BCKDHB: variants seen among roughly 807,000 people sequenced by gnomAD.
The protein encoded by BCKDHB is 2-oxoisovalerate dehydrogenase subunit beta, mitochondrial.
BCKDHB carries 41 observed loss-of-function variants against 48.5 expected under a neutral mutation model. The ratio of observed to expected loss-of-function variants is 0.85; its 90% CI spans 0.66 to 1.10. The LOEUF (loss-of-function observed/expected upper bound fraction) is 1.10, where lower values mean the gene tolerates loss of function less well. Ranked by LOEUF, BCKDHB falls within the 50% of genes least tolerant of loss-of-function variation. The pLI is 0.00. For synonymous variants in BCKDHB, 201 were observed against 174.8 expected (o/e 1.15, Z -1.18); for missense variants, 496 against 494.2 (o/e 1.00, Z -0.03).
At chr6:80,143,845 T>C (rs980220840) in intron 3 of BCKDHB, among the ~76,000 whole-genome samples, 1 of 152,148 alleles carries the variant, frequency 6.6e-6, no homozygotes, top group Non-Finnish European at 1.5e-5. Flanking sequence ...GTCAGAGGAT[T>C]CTTATTCTGT....
At chr6:80,349,693 C>T (rs77683969), downstream of BCKDHB, among the ~76,000 whole-genome samples, 214 of 151,932 alleles carry the variant, frequency 1.4e-3, 2 homozygotes, top group East Asian at 0.033. Flanking sequence ...AATATGCATT[C>T]GAAATTGACA....
At chr6:80,385,014 A>T in the BCKDHB span, among the ~76,000 whole-genome samples, 1 of 152,186 alleles carries the variant, frequency 6.6e-6, no homozygotes, top group African/African-American at 2.4e-5. Flanking sequence ...AGAGTTACGT[A>T]AAATAAATGC....
At chr6:80,419,201 G>A in the BCKDHB span, among the ~76,000 whole-genome samples, 4 of 152,188 alleles carry the variant, frequency 2.6e-5, no homozygotes, top group Non-Finnish European at 4.4e-5. Context: ...CCAGCAAAGT[G>A]ATGTGGGGAG....
the BCKDHB span, among the ~76,000 whole-genome samples, chr6:80,362,134 A>G: frequency 6.6e-6 from 1 of 152,132 alleles, no homozygotes; most frequent in Non-Finnish European, 1.5e-5. Context: ...ATGGACTAGA[A>G]CTGAAAGCCT....
intron 9 of BCKDHB, among the ~76,000 whole-genome samples, chr6:80,332,384 T>G (rs1443215919): frequency 6.6e-6 from 1 of 152,120 alleles, no homozygotes; most frequent in Non-Finnish European, 1.5e-5. Context: ...TGAATTTAAT[T>G]TTATACTCGA....
Position 80,144,293 on chromosome 6 carries a change from G to T in BCKDHB, c.343+15064G>T, listed in dbSNP as rs139943416. Among the ~76,000 whole-genome samples the T allele has an allele frequency of 1.7e-3, 264 of 152,248 alleles. 1 individual carries two copies. Among genetic ancestry groups the T allele is most frequent in the African/African-American group, 6.0e-3 (250 of 41,560 alleles). On this transcript the variant is annotated intron_variant, in intron 3 of 9. Coordinates refer to ENST00000320393, the MANE Select transcript of BCKDHB (RefSeq NM_183050.4). ...TCATAAGTCCAGTAAGGCAACTTAG[G>T]TATTTGCATGAAGAAGGCACTTTTT...
the BCKDHB span, among the ~76,000 whole-genome samples, chr6:80,445,845 C>T: frequency 6.6e-6 from 1 of 152,146 alleles, no homozygotes; most frequent in South Asian, 2.1e-4. Flanking sequence ...CCCCAGCAAA[C>T]CTGCCATGTT....
At chr6:80,121,830 A>G (rs574156360) in intron 1 of BCKDHB, among the ~76,000 whole-genome samples, 81 of 152,268 alleles carry the variant, frequency 5.3e-4, no homozygotes, top group Middle Eastern at 3.4e-3. Context: ...TCTTTTCCTA[A>G]TTGAAAACCC....
At chr6:80,422,385 C>A in the BCKDHB span, among the ~76,000 whole-genome samples, 1 of 152,146 alleles carries the variant, frequency 6.6e-6, no homozygotes, top group Non-Finnish European at 1.5e-5. Flanking sequence ...TCATGGAGAA[C>A]CTCTAGGGCA....
the BCKDHB span, among the ~76,000 whole-genome samples, chr6:80,357,332 A>G: frequency 6.6e-6 from 1 of 152,170 alleles, no homozygotes; most frequent in Non-Finnish European, 1.5e-5. Context: ...GCAGCCATAA[A>G]GGAAAAAGCA....
At chr6:80,328,072 G>T (rs1769131558) in intron 9 of BCKDHB, among the ~76,000 whole-genome samples, 1 of 151,868 alleles carries the variant, frequency 6.6e-6, no homozygotes, top group Non-Finnish European at 1.5e-5. Flanking sequence ...AGTTCTTTTT[G>T]TTCAGACTAT....
At chr6:80,176,255 A>G (rs1438094676) in intron 6 of BCKDHB, among the ~76,000 whole-genome samples, 1 of 152,184 alleles carries the variant, frequency 6.6e-6, no homozygotes, top group East Asian at 1.9e-4. Context: ...ATAGTAGATT[A>G]GATAACCTGA....
intron 9 of BCKDHB, among the ~76,000 whole-genome samples, chr6:80,311,757 G>T (rs910630139): frequency 6.6e-6 from 1 of 152,010 alleles, no homozygotes; most frequent in Non-Finnish European, 1.5e-5. Context: ...TCTATTTCTG[G>T]GTTCTCTATT....
intron 6 of BCKDHB, among the ~76,000 whole-genome samples, chr6:80,173,821 T>C (rs978067853): frequency 6.7e-6 from 1 of 149,842 alleles, no homozygotes; most frequent in African/African-American, 2.4e-5. Context: ...TTTTTTTGGA[T>C]CTTCTGACCC....
At chr6:80,318,572 C>A (rs1354642327) in intron 9 of BCKDHB, among the ~76,000 whole-genome samples, 3 of 151,852 alleles carry the variant, frequency 2.0e-5, no homozygotes, top group Admixed American at 2.0e-4. Context: ...GTAGTCCCAG[C>A]TACTCAGGAG....
intron 3 of BCKDHB, among the ~76,000 whole-genome samples, chr6:80,163,417 A>G (rs1772420607): frequency 6.6e-6 from 1 of 151,804 alleles, no homozygotes; most frequent in Non-Finnish European, 1.5e-5. Context: ...AGCAGTATAG[A>G]CACAAGTTAA....
intron 9 of BCKDHB, among the ~76,000 whole-genome samples, chr6:80,319,002 T>C (rs1582561075): frequency 6.6e-6 from 1 of 152,206 alleles, no homozygotes; most frequent in South Asian, 2.1e-4. Flanking sequence ...GTGTTAGTTA[T>C]CTGTTATAAT....
chr6:80,326,357 A>G (rs1269183221), intron 9 of BCKDHB, among the ~76,000 whole-genome samples: 1 of 152,086 alleles, frequency 6.6e-6, no homozygotes, highest in Non-Finnish European at 1.5e-5. Flanking sequence ...CATCACTTAG[A>G]TTTGGCATTT....
rs141478965 is a variant in BCKDHB, at chr6:80,177,964, G to T, written c.742+6574G>T. ...GCAAGGCTTTTGCTTATGGTTGCTG[G>T]GCAGAGCTCTCACTCACTGGTTAAC... On this transcript the variant is annotated intron_variant, in intron 6 of 9. Transcript: ENST00000320393. Among the ~76,000 whole-genome samples, 265 of 152,228 alleles carry T rather than the reference G, an allele frequency of 1.7e-3. 1 individual carries two copies. Among genetic ancestry groups the T allele is most frequent in the African/African-American group, 6.0e-3 (251 of 41,546 alleles).
Sources: gnomAD v4.1 joint callset for allele counts (sites outside exome capture counted in the v4.1 genomes callset) on GRCh38, gnomAD v4.1.1 for gene constraint, MANE v1.5 for transcripts, NCBI Gene and HGNC (gene_info 2026-07-23, HGNC 2026-07-21) for gene names.